Variants in FAM13B observed in about 807,000 individuals in gnomAD.
FAM13B encodes protein FAM13B.
A neutral mutation model predicts 117.3 loss-of-function variants in FAM13B; 60 were observed. The ratio of observed to expected loss-of-function variants is 0.51; its 90% CI spans 0.42 to 0.63. FAM13B has a LOEUF of 0.63. Among genes scored for constraint, FAM13B ranks in the 30% least tolerant of loss-of-function variants. The probability of loss-of-function intolerance (pLI) is 0.00; values close to 1 mark genes in which losing one functional copy is unlikely to be tolerated. For synonymous variants in FAM13B, 332 were observed against 356.1 expected (o/e 0.93, Z 0.76); for missense variants, 972 against 1,091.9 (o/e 0.89, Z 1.55).
At chr5:137,953,267 C>T (rs1765538491) in intron 16 of FAM13B, 69 bp downstream of exon 16, 10 of 1,543,966 alleles carry the variant, frequency 6.5e-6, no homozygotes, top group Non-Finnish European at 8.0e-6. Context: ...TAAACTAATG[C>T]TTTTGAAAAA....
intron 5 of FAM13B, 106 bp from the exon 6 acceptor site, chr5:138,011,255 C>T: frequency 9.8e-7 from 1 of 1,020,248 alleles, no homozygotes; most frequent in Admixed American, 2.6e-5. Flanking sequence ...TTTATGTTAC[C>T]ATTCTGTGCT....
At chr5:137,983,047 C>T (rs1433875945) in intron 10 of FAM13B, among the ~76,000 whole-genome samples, 2 of 151,906 alleles carry the variant, frequency 1.3e-5, no homozygotes, top group East Asian at 3.9e-4. Context: ...TTAGACTAAA[C>T]AAGATTACCA....
intron 17 of FAM13B, among the ~76,000 whole-genome samples, chr5:137,951,970 C>T (rs1472186225): frequency 6.6e-6 from 1 of 152,014 alleles, no homozygotes; most frequent in Admixed American, 6.6e-5. Flanking sequence ...GAGTGAGACT[C>T]TGTCTCGAAA....
chr5:137,998,074 T>A (rs1388374703), intron 7 of FAM13B, among the ~76,000 whole-genome samples: 1 of 152,266 alleles, frequency 6.6e-6, no homozygotes, highest in Non-Finnish European at 1.5e-5. Context: ...ATTTCTTTAC[T>A]TCTGCTTTCA....
At chr5:137,969,177 G>T (rs1254849455) in intron 10 of FAM13B, among the ~76,000 whole-genome samples, 1 of 152,240 alleles carries the variant, frequency 6.6e-6, no homozygotes, top group African/African-American at 2.4e-5. Flanking sequence ...CAAACAAAAA[G>T]ACAGCAGTAA....
At chr5:137,953,304 T>A (rs182918480) in intron 16 of FAM13B, 32 bp downstream of exon 16, 94 of 1,610,308 alleles carry the variant, frequency 5.8e-5, no homozygotes, top group Non-Finnish European at 8.0e-5. Context: ...AATATTAGAT[T>A]AAGCTCACTC....
At chr5:138,045,734 C>T (rs1417448655) in intron 1 of FAM13B, among the ~76,000 whole-genome samples, 1 of 152,028 alleles carries the variant, frequency 6.6e-6, no homozygotes, top group Non-Finnish European at 1.5e-5. Flanking sequence ...CACAGTGGCT[C>T]ACACCTGTAA....
chr5:137,958,948 C>T (rs1316567078), intron 13 of FAM13B, among the ~76,000 whole-genome samples: 1 of 152,172 alleles, frequency 6.6e-6, no homozygotes, highest in Non-Finnish European at 1.5e-5. Flanking sequence ...AAATCATCCA[C>T]TGAAGTTCAG....
chr5:137,943,345 T>C, intron 20 of FAM13B, 129 bp from the exon 21 acceptor site: 1 of 687,890 alleles, frequency 1.5e-6, no homozygotes. Flanking sequence ...TTAAATCTTT[T>C]TAGGAATTGC....
rs1236056765 is a variant in FAM13B, at chr5:137,941,959, T to C, written c.2675A>G (p.Tyr892Cys). ...CTCAACAAACCTTCCATTTTGTTGA[T>C]AAAATGCTTCTTCAAATTCCCGCAA... ...KTLREFEEAF[Y>C]QQNGRNAQKE... is the part of the protein sequence containing the mutation. The change falls in exon 23 of 24, where the codon TAT becomes TGT. Residue 892 changes from tyrosine (Y) to cysteine (C), a missense_variant. Transcript: ENST00000689681. 3 of 1,613,906 alleles carry C rather than the reference T, an allele frequency of 1.9e-6. No homozygotes were observed. The highest frequency in any genetic ancestry group is 2.5e-6 in the Non-Finnish European group (3 of 1,179,870).
chr5:137,960,248 G>T, intron 11 of FAM13B, 34 bp from the exon 12 acceptor site: 1 of 1,213,980 alleles, frequency 8.2e-7, no homozygotes, highest in South Asian at 1.4e-5. Flanking sequence ...AGTATATTAA[G>T]AATAAAAAGG....
intron 10 of FAM13B, among the ~76,000 whole-genome samples, chr5:137,972,140 C>T (rs1256867856): frequency 1.3e-5 from 2 of 150,896 alleles, no homozygotes; most frequent in Non-Finnish European, 3.0e-5. Context: ...GATACCAAAG[C>T]CAGGCAGAGA....
Position 137,942,049 on chromosome 5 carries a change from G to T in FAM13B, c.2589-4C>A. On this transcript the variant is annotated splice_polypyrimidine_tract_variant and splice_region_variant and intron_variant, in intron 22 of 23. Coordinates refer to ENST00000689681, the MANE Select transcript of FAM13B (RefSeq NM_001385994.1). ...AAGTTGTTCCAATAATTCAGGCCTAGAATTGAAATGGTAAAATACTGAAGG... is the reference window on the plus strand; with the variant it reads ...AAGTTGTTCCAATAATTCAGGCCTATAATTGAAATGGTAAAATACTGAAGG... The T allele has an allele frequency of 1.2e-6, 2 of 1,609,142 alleles. No individual in the cohort carries two copies. The highest frequency in any genetic ancestry group is 1.7e-6 in the Non-Finnish European group (2 of 1,176,038).
In FAM13B at chr5:138,032,797, G is replaced by GCC; in HGVS notation, c.-220_-219dup. On this transcript the variant is annotated 5_prime_UTR_variant, in exon 1 of 24. Transcript: ENST00000689681. Reference sequence around the variant, plus strand: ...GTTTACCTACCGTTGGAACCGCGATGCCCCGTTCCCTGGCCGCGGCCGCTT... The same window carrying GCC: ...GTTTACCTACCGTTGGAACCGCGATGCCCCCCGTTCCCTGGCCGCGGCCGCTT... 1 of 985,816 alleles carries GCC rather than the reference G, an allele frequency of 1.0e-6. No individual in the cohort carries two copies. Among genetic ancestry groups the GCC allele is most frequent in the South Asian group, 4.7e-5 (1 of 21,296 alleles). The allele number at this position is 985,816 out of a possible 1,614,324, so 61.1% of individuals were successfully genotyped here.
At chr5:137,961,268 CT>C (rs1325868124) in intron 11 of FAM13B, among the ~76,000 whole-genome samples, 1 of 151,908 alleles carries the variant, frequency 6.6e-6, no homozygotes, top group African/African-American at 2.4e-5. Flanking sequence ...AACCAGTTTG[CT>C]AACTTATACA....
At chr5:137,955,173 C>T (rs1310996645) in intron 14 of FAM13B, among the ~76,000 whole-genome samples, 2 of 150,224 alleles carry the variant, frequency 1.3e-5, no homozygotes, top group Non-Finnish European at 2.9e-5. Flanking sequence ...TGACCTGTCC[C>T]TCACTGTCAA....
chr5:138,021,691 AT>A (rs1786769621), intron 1 of FAM13B, among the ~76,000 whole-genome samples: 1 of 152,222 alleles, frequency 6.6e-6, no homozygotes, highest in South Asian at 2.1e-4. Context: ...GCGATAGCAT[AT>A]GTTGGAAAAG....
chr5:138,018,836 G>A, intron 3 of FAM13B, 119 bp downstream of exon 3: 2 of 776,216 alleles, frequency 2.6e-6, no homozygotes, highest in South Asian at 2.4e-5. Context: ...AGAATTTCTA[G>A]TTTTTCCTAT....
chr5:137,977,112 G>T (rs1320983987), intron 10 of FAM13B, among the ~76,000 whole-genome samples: 1 of 152,100 alleles, frequency 6.6e-6, no homozygotes, highest in Non-Finnish European at 1.5e-5. Flanking sequence ...CTCCTTGGGT[G>T]TGGCCATCTT....
Sources: allele counts gnomAD v4.1 joint callset (sites outside exome capture counted in the v4.1 genomes callset), GRCh38; gene constraint gnomAD v4.1.1; transcripts MANE v1.5; gene names NCBI Gene and HGNC (gene_info 2026-07-23, HGNC 2026-07-21).